The following DNAJC16 variants were observed in gnomAD, a reference collection of about 807,000 sequenced individuals.
DNAJC16 encodes dnaJ homolog subfamily C member 16.
Under a neutral mutation model 92.7 loss-of-function variants are expected in DNAJC16, and 76 were observed. That is an observed-to-expected ratio of 0.82 (90% CI 0.68 to 0.99). The LOEUF (loss-of-function observed/expected upper bound fraction) is 0.99, where lower values mean the gene tolerates loss of function less well. DNAJC16 is among the 50% of genes least tolerant of loss of function. The pLI, the probability that DNAJC16 is intolerant of heterozygous loss-of-function variation, is 0.00. For missense variants in DNAJC16, 869 were observed against 942.4 expected, an observed-to-expected ratio of 0.92 and a Z score of 1.02; for synonymous variants, 328 against 358.7, an observed-to-expected ratio of 0.91 and a Z score of 0.97.
Position 15,562,439 on chromosome 1 carries a change from G to A in DNAJC16, c.1338+114G>A, listed in dbSNP as rs1039312638. The A allele has an allele frequency of 3.5e-6, 4 of 1,144,514 alleles. No homozygotes were observed. In the Admixed American group the frequency reaches 8.3e-5, roughly 24 times the overall value. 70.9% of individuals were successfully genotyped at this position (1,144,514 alleles called of 1,614,324 possible). ...CAGATTCTAGGAAATCTGAAACTCT[G>A]AAGCCTATTTTCAAAGTCTACTCTT... is the stretch of plus-strand genomic sequence containing the variant. On this transcript the variant is annotated intron_variant, in intron 9 of 14. Coordinates refer to ENST00000375847, the MANE Select transcript of DNAJC16 (RefSeq NM_015291.4).
chr1:15,531,068 C>T (rs1051505303), intron 2 of DNAJC16, among the ~76,000 whole-genome samples: 2 of 152,182 alleles, frequency 1.3e-5, no homozygotes, highest in African/African-American at 4.8e-5. Flanking sequence ...TAGTTTGACC[C>T]TCTGCATCAG....
chr1:15,544,481 A>T lies in DNAJC16; in HGVS notation c.657A>T (p.Leu219=), dbSNP rs769276605. The T allele has an allele frequency of 1.2e-6, 2 of 1,614,152 alleles. No individual in the cohort carries two copies. The highest frequency in any genetic ancestry group is 1.7e-6 in the Non-Finnish European group (2 of 1,180,008). The change falls in exon 5 of 15, where the codon CTA becomes CTT. Residue 219 remains leucine (L), a synonymous_variant. Transcript: ENST00000375847. ...GGGCACACAGCACGCCCTCTATCCT[A>T]GGAATCATTAACGGGAAAATCTCCT... ...HLGAHSTPSI[L]GIINGKISFF... is the part of the protein sequence containing the mutation.
At chr1:15,529,696 G>A (rs1710609296) in intron 2 of DNAJC16, among the ~76,000 whole-genome samples, 1 of 151,242 alleles carries the variant, frequency 6.6e-6, no homozygotes, top group African/African-American at 2.4e-5. Context: ...TCTACACTTT[G>A]AAAAAAAGTT....
At chr1:15,565,704 A>C in intron 11 of DNAJC16, 2 of 588,738 alleles carry the variant, frequency 3.4e-6, no homozygotes, top group East Asian at 5.7e-5. Flanking sequence ...ATACAAAATC[A>C]AACTTTTAGA....
At chr1:15,547,912 TCACTGTGACATGAG>T in intron 6 of DNAJC16, among the ~76,000 whole-genome samples, 1 of 152,228 alleles carries the variant, frequency 6.6e-6, no homozygotes, top group East Asian at 1.9e-4. Context: ...ACCTCTCATG[TCACTGTGACATGAG>T]ACGGAGAGGA....
At chr1:15,552,116 C>T (rs1638457833) in intron 7 of DNAJC16, among the ~76,000 whole-genome samples, 1 of 151,976 alleles carries the variant, frequency 6.6e-6, no homozygotes, top group African/African-American at 2.4e-5. Context: ...AAGTGGTCCT[C>T]CTGCCTGGGC....
intron 14 of DNAJC16, 95 bp downstream of exon 14, chr1:15,567,364 C>A: frequency 7.4e-7 from 1 of 1,349,108 alleles, no homozygotes; most frequent in Non-Finnish European, 1.0e-6. Context: ...TCTTGTGGGG[C>A]TTCATCCATA....
Position 15,566,262 on chromosome 1 carries a change from T to TA in DNAJC16, c.1778+83dup, listed in dbSNP as rs1409079894. 4.2e-5 allele frequency: 49 copies of TA among 1,154,106 alleles called. No individual in the cohort carries two copies. The African/African-American group carries it at 6.6e-4, about 16-fold the overall frequency. 71.5% of individuals were successfully genotyped at this position (1,154,106 alleles called of 1,614,324 possible). A position where few individuals can be genotyped will look rare whatever the true frequency, so the allele number is the denominator to read the frequency against. On this transcript the variant is annotated intron_variant, in intron 13 of 14. Coordinates refer to ENST00000375847, the MANE Select transcript of DNAJC16 (RefSeq NM_015291.4). The stretch of plus-strand genomic sequence containing the variant: ...CATCTGATAACGCAGCATTGGAACA[T>TA]AGAGTGTAGAGAAGAACTCTCATGC...
rs1638364714 is a variant in DNAJC16, at chr1:15,548,447, G to C, written c.1023+19G>C. 6.3e-7 allele frequency: 1 copy of C among 1,587,368 alleles called. No individual in the cohort carries two copies. The highest frequency in any genetic ancestry group is 1.2e-5 in the South Asian group (1 of 86,660). On this transcript the variant is annotated intron_variant, in intron 7 of 14. Coordinates refer to ENST00000375847, the MANE Select transcript of DNAJC16 (RefSeq NM_015291.4). ...TATCCAGGTACGTGAGGGTCACCTT[G>C]GTTAAGATTTTCTTCACATTTTATC...
intron 4 of DNAJC16, among the ~76,000 whole-genome samples, chr1:15,538,180 A>G (rs1249981808): frequency 6.6e-6 from 1 of 151,546 alleles, no homozygotes; most frequent in African/African-American, 2.4e-5. Context: ...GTGGATCACA[A>G]GGTCAGGAGT....
In DNAJC16 at chr1:15,566,203, C is replaced by A. The variant is rs751950543; in HGVS notation, c.1778+23C>A. On this transcript the variant is annotated intron_variant, in intron 13 of 14. Transcript: ENST00000375847. ...CAGGTTTCTCTAACAAAACACCAGA[C>A]TCACCTCCCCGGCACCTGCCCCCCA... 4 of 1,592,144 alleles carry A rather than the reference C, an allele frequency of 2.5e-6. No individual in the cohort carries two copies. In the Admixed American group the frequency reaches 6.8e-5, roughly 27 times the overall value.
intron 1 of DNAJC16, 143 bp from the exon 2 acceptor site, chr1:15,528,945 T>C: frequency 1.8e-6 from 1 of 570,520 alleles, no homozygotes; most frequent in East Asian, 3.1e-5. Context: ...TATTTTAAGA[T>C]ACAGTTCAAC....
At chr1:15,565,747 T>C in intron 11 of DNAJC16, 172 bp from the exon 12 acceptor site, 1 of 660,252 alleles carries the variant, frequency 1.5e-6, no homozygotes, top group East Asian at 2.5e-5. Flanking sequence ...CACTGAGCAA[T>C]CTCTACCTTC....
At chr1:15,563,437 G>A (rs1218730235) in intron 9 of DNAJC16, among the ~76,000 whole-genome samples, 5 of 152,090 alleles carry the variant, frequency 3.3e-5, no homozygotes, top group South Asian at 2.1e-4. Flanking sequence ...GCTGAGGCAC[G>A]AGAATTGCTT....
intron 7 of DNAJC16, among the ~76,000 whole-genome samples, chr1:15,557,828 G>C (rs1262256386): frequency 6.6e-6 from 1 of 151,576 alleles, no homozygotes; most frequent in Non-Finnish European, 1.5e-5. Context: ...GGCCTCCTAT[G>C]CTCAAGTGAT....
At position 15,568,667 on chromosome 1, in the gene DNAJC16, C is replaced by T; in HGVS notation, c.*490C>T. ...CCCACGGCAGCTTCTAGCCCCGCAT[C>T]TGGAAAAAGGCCCCTTTCCAAGCAA... On this transcript the variant is annotated 3_prime_UTR_variant, in exon 15 of 15. Coordinates refer to ENST00000375847, the MANE Select transcript of DNAJC16 (RefSeq NM_015291.4). 1 of 399,236 alleles carries T rather than the reference C, an allele frequency of 2.5e-6. No individual in the cohort carries two copies. Among genetic ancestry groups the T allele is most frequent in the Middle Eastern group, 6.3e-4 (1 of 1,590 alleles). The allele number at this position is 399,236 out of a possible 1,614,324, so 24.7% of individuals were successfully genotyped here. A position where few individuals can be genotyped will look rare whatever the true frequency, so the allele number is the denominator to read the frequency against.
intron 1 of DNAJC16, among the ~76,000 whole-genome samples, chr1:15,528,278 C>CA (rs1710568153): frequency 6.6e-6 from 1 of 152,018 alleles, no homozygotes; most frequent in Admixed American, 6.5e-5. Context: ...ACTAAAAATA[C>CA]AAAAAATTAG....
chr1:15,559,935 T>G (rs918404291), intron 8 of DNAJC16, among the ~76,000 whole-genome samples: 6 of 152,004 alleles, frequency 3.9e-5, no homozygotes, highest in Non-Finnish European at 8.8e-5. Flanking sequence ...TGGTGGCTTA[T>G]GCCTGTAATC....
At chr1:15,535,527 G>A (rs888234431) in intron 3 of DNAJC16, among the ~76,000 whole-genome samples, 1 of 152,184 alleles carries the variant, frequency 6.6e-6, no homozygotes, top group African/African-American at 2.4e-5. Flanking sequence ...GAGGCATGCA[G>A]ATCGCTTAAG....
Sources: gnomAD v4.1 joint callset for allele counts (sites outside exome capture counted in the v4.1 genomes callset) on GRCh38, gnomAD v4.1.1 for gene constraint, MANE v1.5 for transcripts, NCBI Gene and HGNC (gene_info 2026-07-23, HGNC 2026-07-21) for gene names.